Variants in POLR2J observed in about 807,000 individuals in gnomAD.
POLR2J encodes the protein DNA-directed RNA polymerase II subunit RPB11-a.
In POLR2J, 12 loss-of-function variants were observed where a neutral mutation model predicts 13.4. That is an observed-to-expected ratio of 0.90 (90% CI 0.57 to 1.45). The LOEUF is 1.45. Among genes scored for constraint, POLR2J ranks in the 40% most tolerant of loss-of-function variants. The pLI is 0.00. For synonymous variants in POLR2J, 31 were observed against 53.6 expected, an observed-to-expected ratio of 0.58 and a Z score of 1.84; for missense variants, 58 against 132.0, an observed-to-expected ratio of 0.44 and a Z score of 2.75.
chr7:102,477,970 G>C (rs1207732897), intron 1 of POLR2J, among the ~76,000 whole-genome samples: 1 of 122,120 alleles, frequency 8.2e-6, no homozygotes, highest in African/African-American at 2.9e-5. Context: ...GTGAACCAGC[G>C]CACCTGGCCA....
At chr7:102,474,186 A>C in intron 3 of POLR2J, 175 bp downstream of exon 3, 1 of 1,547,088 alleles carries the variant, frequency 6.5e-7, no homozygotes. Context: ...ACAGGCCCAG[A>C]CTCCACAGCC....
In POLR2J at chr7:102,473,503, C is replaced by T; in HGVS notation, c.*146G>A. 2 of 1,009,004 alleles carry T rather than the reference C, an allele frequency of 2.0e-6. No homozygotes were observed. The highest frequency in any genetic ancestry group is 2.7e-6 in the Non-Finnish European group (2 of 752,928). 62.5% of individuals were successfully genotyped at this position (1,009,004 alleles called of 1,614,324 possible). A position where few individuals can be genotyped will look rare whatever the true frequency, so the allele number is the denominator to read the frequency against. On this transcript the variant is annotated 3_prime_UTR_variant, in exon 4 of 4. Transcript: ENST00000292614. ...AGGAATATAAAACCTAATCTATGTA[C>T]AGGACACGTCGGTGTCAGGGTGAGG... is the stretch of plus-strand genomic sequence containing the variant.
Position 102,473,781 on chromosome 7 carries a change from G to A in POLR2J, c.319-97C>T, listed in dbSNP as rs987498986. ...CATCCCCCCCGCCAGGCCCTTCCTG[G>A]AGGGCAGCCATGGGCCACACTCCCC... On this transcript the variant is annotated intron_variant, in intron 3 of 3. Coordinates refer to ENST00000292614, the MANE Select transcript of POLR2J (RefSeq NM_006234.6). The A allele has an allele frequency of 3.2e-6, 5 of 1,563,070 alleles. No individual in the cohort carries two copies. In the African/African-American group the frequency reaches 5.4e-5, roughly 17 times the overall value.
chr7:102,474,026 C>T, intron 3 of POLR2J: 5 of 1,440,942 alleles, frequency 3.5e-6, no homozygotes, highest in Non-Finnish European at 4.5e-6. Flanking sequence ...AGCTGCCTCC[C>T]AGAGACCTGG....
rs1798298925 is a variant in POLR2J, at chr7:102,473,490, C to T, written c.*159G>A. On this transcript the variant is annotated 3_prime_UTR_variant, in exon 4 of 4. Transcript: ENST00000292614. ...GCTATACTTTATTAGGAATATAAAA[C>T]CTAATCTATGTACAGGACACGTCGG... The T allele has an allele frequency of 3.3e-6, 3 of 902,382 alleles. No individual in the cohort carries two copies. Among genetic ancestry groups the T allele is most frequent in the Non-Finnish European group, 4.5e-6 (3 of 667,896 alleles). The allele number at this position is 902,382 out of a possible 1,614,324, so 55.9% of individuals were successfully genotyped here. A position where few individuals can be genotyped will look rare whatever the true frequency, so the allele number is the denominator to read the frequency against.
chr7:102,478,343 G>A (rs1326971056), intron 1 of POLR2J, among the ~76,000 whole-genome samples: 2 of 100,798 alleles, frequency 2.0e-5, no homozygotes, highest in Admixed American at 1.2e-4. Flanking sequence ...CAGGGCCTCC[G>A]ACAGATCAAG....
rs1798276332 is a variant in POLR2J at position 102,473,148 on chromosome 7, A to AAACTC, written c.*496_*500dup. 2.2e-6 allele frequency: 3 copies of AAACTC among 1,339,492 alleles called. No individual in the cohort carries two copies. Among genetic ancestry groups the AAACTC allele is most frequent in the Non-Finnish European group, 3.1e-6 (3 of 978,642 alleles). 83.0% of individuals were successfully genotyped at this position (1,339,492 alleles called of 1,614,324 possible). On this transcript the variant is annotated 3_prime_UTR_variant, in exon 4 of 4. Coordinates refer to ENST00000292614, the MANE Select transcript of POLR2J (RefSeq NM_006234.6). ...GGGTCTTTCAGTGAATATTTTTATT[A>AAACTC]AACTCTACTGTGGACAAGAAGCCTG...
rs1554580820 is a variant in POLR2J at position 102,473,522 on chromosome 7, G to C, written c.*127C>G. Reference sequence around the variant, plus strand: ...TATGTACAGGACACGTCGGTGTCAGGGTGAGGGGTGGCCACAAGGCGGGCC... The same window carrying C: ...TATGTACAGGACACGTCGGTGTCAGCGTGAGGGGTGGCCACAAGGCGGGCC... On this transcript the variant is annotated 3_prime_UTR_variant, in exon 4 of 4. Transcript: ENST00000292614. The C allele has an allele frequency of 2.8e-6, 4 of 1,431,198 alleles. No homozygotes were observed. In the Admixed American group the frequency reaches 6.5e-5, roughly 23 times the overall value. 88.7% of individuals were successfully genotyped at this position (1,431,198 alleles called of 1,614,324 possible).
At position 102,473,170 on chromosome 7, in the gene POLR2J, C is replaced by T; in HGVS notation, c.*479G>A. 8.3e-7 allele frequency: 1 copy of T among 1,199,102 alleles called. No homozygotes were observed. The highest frequency in any genetic ancestry group is 1.2e-6 in the Non-Finnish European group (1 of 867,670). 74.3% of individuals were successfully genotyped at this position (1,199,102 alleles called of 1,614,324 possible). ...ATTAAACTCTACTGTGGACAAGAAG[C>T]CTGTGGAAAGGTGTTTCGAGTTATG... is the stretch of plus-strand genomic sequence containing the variant. On this transcript the variant is annotated 3_prime_UTR_variant, in exon 4 of 4. Transcript: ENST00000292614.
intron 1 of POLR2J, 26 bp downstream of exon 1, chr7:102,478,781 CG>C: frequency 6.2e-7 from 1 of 1,609,504 alleles, no homozygotes; most frequent in Non-Finnish European, 8.5e-7. Flanking sequence ...CCGCGCACCT[CG>C]GCCCGCCGCA....
chr7:102,475,021 G>A (rs1021326921), intron 2 of POLR2J, among the ~76,000 whole-genome samples: 12 of 151,448 alleles, frequency 7.9e-5, no homozygotes, highest in East Asian at 3.9e-4. Flanking sequence ...GGGCTGCGTC[G>A]CGTACTGTGC....
intron 2 of POLR2J, among the ~76,000 whole-genome samples, chr7:102,475,023 G>A (rs539125672): frequency 8.1e-4 from 123 of 151,472 alleles, no homozygotes; most frequent in African/African-American, 2.5e-3. Flanking sequence ...GCTGCGTCGC[G>A]TACTGTGCCC....
chr7:102,474,105 GC>G, intron 3 of POLR2J: 1 of 1,476,638 alleles, frequency 6.8e-7, no homozygotes, highest in Non-Finnish European at 9.0e-7. Flanking sequence ...GTAGGTCCCC[GC>G]CCCGATCTGG....
chr7:102,478,778 C>G, intron 1 of POLR2J, 30 bp downstream of exon 1: 2 of 1,609,582 alleles, frequency 1.2e-6, no homozygotes, highest in Non-Finnish European at 1.7e-6. Flanking sequence ...GGCCCGCGCA[C>G]CTCGGCCCGC....
In POLR2J at chr7:102,473,680, G is replaced by A. The variant is rs766396668; in HGVS notation, c.323C>T (p.Ala108Val). ...AATTCCTTCCTGCTTGTCTTTTATG[G>A]CCACCTGGGAGAGAAGAAGGTGGTG... ...LSLLEERFRV[A>V]IKDKQEGIE The change falls in exon 4 of 4, where the codon GCC becomes GTC. Residue 108 changes from alanine to valine, a missense_variant. By Grantham distance (64) the Ala-to-Val change is moderately conservative (BLOSUM62 0). Transcript: ENST00000292614. 2 of 1,613,696 alleles carry A rather than the reference G, an allele frequency of 1.2e-6. No homozygotes were observed. Among genetic ancestry groups the A allele is most frequent in the East Asian group, 2.2e-5 (1 of 44,864 alleles).
intron 3 of POLR2J, 101 bp downstream of exon 3, chr7:102,474,260 C>T (rs971297913): frequency 1.4e-4 from 222 of 1,606,530 alleles, no homozygotes; most frequent in Non-Finnish European, 1.9e-4. Flanking sequence ...TGCCGCCTCT[C>T]CCCCAGGACC....
intron 2 of POLR2J, 93 bp from the exon 3 acceptor site, chr7:102,474,628 A>G: frequency 7.3e-7 from 1 of 1,365,520 alleles, no homozygotes; most frequent in Non-Finnish European, 1.0e-6. Context: ...TTCTAGCCAA[A>G]AATCCCCCCC....
chr7:102,478,473 G>A (rs1407296263), intron 1 of POLR2J, among the ~76,000 whole-genome samples: 1 of 151,756 alleles, frequency 6.6e-6, no homozygotes, highest in Non-Finnish European at 1.5e-5. Context: ...AGGGGATGAA[G>A]GATGGAGGTG....
chr7:102,473,703 G>A lies in POLR2J; in HGVS notation c.319-19C>T. 2 of 1,613,790 alleles carry A rather than the reference G, an allele frequency of 1.2e-6. No homozygotes were observed. The highest frequency in any genetic ancestry group is 1.7e-6 in the Non-Finnish European group (2 of 1,179,830). ...TGGCCACCTGGGAGAGAAGAAGGTGGTGGAGACTGAGCTGGAACAGCTGGG... is the reference window on the plus strand; with the variant it reads ...TGGCCACCTGGGAGAGAAGAAGGTGATGGAGACTGAGCTGGAACAGCTGGG... On this transcript the variant is annotated intron_variant, in intron 3 of 3. Transcript: ENST00000292614.
Sources: gnomAD v4.1 joint callset for allele counts (sites outside exome capture counted in the v4.1 genomes callset) on GRCh38, gnomAD v4.1.1 for gene constraint, MANE v1.5 for transcripts, NCBI Gene and HGNC (gene_info 2026-07-23, HGNC 2026-07-21) for gene names.